DYNC1I1: variants seen among roughly 807,000 people sequenced by gnomAD.
The protein encoded by DYNC1I1 is cytoplasmic dynein 1 intermediate chain 1.
DYNC1I1 carries 43 observed loss-of-function variants against 86.6 expected under a neutral mutation model. The ratio of observed to expected loss-of-function variants is 0.50; its 90% CI spans 0.39 to 0.64. The LOEUF is 0.64. Among genes scored for constraint, DYNC1I1 ranks in the 30% least tolerant of loss-of-function variants. The probability of loss-of-function intolerance (pLI) is 0.00; values close to 1 mark genes in which losing one functional copy is unlikely to be tolerated. For missense variants in DYNC1I1, 604 were observed against 788.8 expected (o/e 0.77, Z 2.81); for synonymous variants, 262 against 283.7 (o/e 0.92, Z 0.77).
At chr7:95,835,528 G>T (rs1259310160) in intron 5 of DYNC1I1, among the ~76,000 whole-genome samples, 1 of 151,532 alleles carries the variant, frequency 6.6e-6, no homozygotes, top group South Asian at 2.1e-4. Flanking sequence ...GGGTACCCTT[G>T]TTGACTTTCT....
Position 95,984,927 on chromosome 7 carries a change from T to C in DYNC1I1, c.693T>C (p.Asp231=). The change falls in exon 8 of 17, where the codon GAT becomes GAC. Residue 231 remains aspartate (D), a synonymous_variant. Coordinates refer to ENST00000447467, the MANE Select transcript of DYNC1I1 (RefSeq NM_001135556.2). ...TAATTGAAAGAGCCCTGGCTGAAGATTCCGACATCTTTTTTGACTACAGCG... is the reference window on the plus strand; with the variant it reads ...TAATTGAAAGAGCCCTGGCTGAAGACTCCGACATCTTTTTTGACTACAGCG... ...IRVIERALAE[D]SDIFFDYSGR... The C allele has an allele frequency of 6.2e-7, 1 of 1,613,662 alleles. No homozygotes were observed.
At chr7:95,880,977 T>C (rs1790442450) in intron 6 of DYNC1I1, among the ~76,000 whole-genome samples, 1 of 152,182 alleles carries the variant, frequency 6.6e-6, no homozygotes, top group African/African-American at 2.4e-5. Flanking sequence ...TTTTTTATCT[T>C]TCCCTAATTT....
chr7:95,838,367 T>G (rs1439217092), intron 5 of DYNC1I1, among the ~76,000 whole-genome samples: 5 of 152,232 alleles, frequency 3.3e-5, no homozygotes, highest in Non-Finnish European at 7.3e-5. Context: ...GTGAGTTAAT[T>G]TCTGGAATCT....
At chr7:95,845,223 C>A (rs1314336464) in intron 5 of DYNC1I1, among the ~76,000 whole-genome samples, 1 of 152,096 alleles carries the variant, frequency 6.6e-6, no homozygotes, top group African/African-American at 2.4e-5. Flanking sequence ...TAGAGTCTAC[C>A]AGGCACCATT....
chr7:96,084,319 G>GAAA (rs5885940), intron 16 of DYNC1I1, among the ~76,000 whole-genome samples: 50,879 of 141,678 alleles, frequency 0.36, 9,599 homozygotes, highest in Middle Eastern at 0.43. Context: ...AGGCAAATCA[G>GAAA]AAAAAAAAAA....
At chr7:95,966,492 C>A (rs1223763563) in intron 6 of DYNC1I1, among the ~76,000 whole-genome samples, 1 of 152,156 alleles carries the variant, frequency 6.6e-6, no homozygotes, top group African/African-American at 2.4e-5. Context: ...GCCAAAACCA[C>A]AAATGTAGAT....
intron 10 of DYNC1I1, among the ~76,000 whole-genome samples, chr7:96,027,031 G>A (rs1397530238): frequency 6.6e-6 from 1 of 152,222 alleles, no homozygotes; most frequent in Admixed American, 6.5e-5. Context: ...CTCTCCATTT[G>A]CCAAGGCATG....
intron 1 of DYNC1I1, among the ~76,000 whole-genome samples, chr7:95,795,813 A>G (rs1321553327): frequency 1.3e-5 from 2 of 152,144 alleles, no homozygotes; most frequent in East Asian, 3.9e-4. Flanking sequence ...GGGGGATAAA[A>G]TAATCCATAA....
At chr7:95,779,614 G>A (rs1162246118) in intron 1 of DYNC1I1, among the ~76,000 whole-genome samples, 3 of 152,108 alleles carry the variant, frequency 2.0e-5, no homozygotes, top group Non-Finnish European at 4.4e-5. Context: ...ACTCATTGAC[G>A]TTCGTATTTC....
intron 5 of DYNC1I1, among the ~76,000 whole-genome samples, chr7:95,869,310 C>A (rs13238387): frequency 6.6e-6 from 1 of 151,936 alleles, no homozygotes; most frequent in African/African-American, 2.4e-5. Flanking sequence ...CCCAGTGCCC[C>A]CTTTCACTCA....
chr7:96,089,556 T>C (rs765697204), intron 16 of DYNC1I1, among the ~76,000 whole-genome samples: 11 of 152,032 alleles, frequency 7.2e-5, no homozygotes, highest in Non-Finnish European at 1.5e-4. Flanking sequence ...TACTTACCCT[T>C]CCCCCCAATC....
At chr7:95,941,623 C>A (rs1266798861) in intron 6 of DYNC1I1, among the ~76,000 whole-genome samples, 1 of 152,236 alleles carries the variant, frequency 6.6e-6, no homozygotes, top group African/African-American at 2.4e-5. Flanking sequence ...AGGATATAAT[C>A]TCCTCGTGTG....
At chr7:95,799,659 G>A (rs9690992) in intron 1 of DYNC1I1, among the ~76,000 whole-genome samples, 1,598 of 148,682 alleles carry the variant, frequency 0.011, 23 homozygotes, top group African/African-American at 0.037. Flanking sequence ...TTTTTGAGTC[G>A]CATCCCTTTT....
intron 13 of DYNC1I1, among the ~76,000 whole-genome samples, chr7:96,037,351 T>G (rs1171326200): frequency 6.6e-6 from 1 of 152,190 alleles, no homozygotes; most frequent in African/African-American, 2.4e-5. Context: ...CAAAGTGCAT[T>G]GTTAGGTTCT....
chr7:95,985,454 C>G (rs1439666903), intron 8 of DYNC1I1, among the ~76,000 whole-genome samples: 2 of 151,904 alleles, frequency 1.3e-5, no homozygotes, highest in Non-Finnish European at 2.9e-5. Flanking sequence ...GTGTATATGC[C>G]TTTTAGGAAA....
At chr7:95,810,693 A>AG (rs1379582589) in intron 3 of DYNC1I1, among the ~76,000 whole-genome samples, 187 bp downstream of exon 3, 2 of 85,864 alleles carry the variant, frequency 2.3e-5, no homozygotes, top group African/African-American at 1.3e-4. Context: ...GATGGGAGGA[A>AG]AGTTGTAGAA....
At chr7:95,813,411 T>C in intron 4 of DYNC1I1, 74 bp downstream of exon 4, 2 of 1,510,736 alleles carry the variant, frequency 1.3e-6, no homozygotes, top group Non-Finnish European at 1.8e-6. Flanking sequence ...AACACCACTG[T>C]TAGAATACTG....
At chr7:95,950,440 C>T (rs1339148673) in intron 6 of DYNC1I1, among the ~76,000 whole-genome samples, 3 of 151,912 alleles carry the variant, frequency 2.0e-5, no homozygotes, top group Admixed American at 2.0e-4. Context: ...CTCTTTAGAC[C>T]AAAAATGGGC....
chr7:95,945,063 AT>A (rs1021921938), intron 6 of DYNC1I1, among the ~76,000 whole-genome samples: 11 of 151,684 alleles, frequency 7.3e-5, no homozygotes, highest in African/African-American at 1.2e-4. Flanking sequence ...AAATAAAAAA[AT>A]AATAAAAAAA....
Sources: allele counts gnomAD v4.1 joint callset (sites outside exome capture counted in the v4.1 genomes callset), GRCh38; gene constraint gnomAD v4.1.1; transcripts MANE v1.5; gene names NCBI Gene and HGNC (gene_info 2026-07-23, HGNC 2026-07-21).